The following DLGAP4 variants were observed in gnomAD, a reference collection of about 807,000 sequenced individuals.
DLGAP4 encodes the protein disks large-associated protein 4.
In DLGAP4, 18 loss-of-function variants were observed where a neutral mutation model predicts 86.9. The observed-to-expected ratio is 0.21, with a 90% CI of 0.14 to 0.31. The LOEUF (loss-of-function observed/expected upper bound fraction) is 0.31, where lower values mean the gene tolerates loss of function less well. DLGAP4 is among the 10% of genes least tolerant of loss of function. The probability of loss-of-function intolerance (pLI) is 1.00; values close to 1 mark genes in which losing one functional copy is unlikely to be tolerated. For synonymous variants in DLGAP4, 548 were observed against 574.3 expected (o/e 0.95, Z 0.65); for missense variants, 1,085 against 1,362.6 (o/e 0.80, Z 3.21).
At chr20:36,372,438 C>G (rs1187133114) in intron 2 of DLGAP4, among the ~76,000 whole-genome samples, 1 of 152,144 alleles carries the variant, frequency 6.6e-6, no homozygotes, top group Non-Finnish European at 1.5e-5. Context: ...CCCACCACCT[C>G]CCTCCCCATC....
intron 1 of DLGAP4, among the ~76,000 whole-genome samples, chr20:36,362,608 A>G (rs1393228300): frequency 1.3e-5 from 2 of 152,198 alleles, no homozygotes; most frequent in African/African-American, 4.8e-5. Flanking sequence ...TCCAGTATTG[A>G]AAATATTTGT....
Position 36,524,236 on chromosome 20 carries a change from C to T in DLGAP4, c.2513-14C>T. The T allele has an allele frequency of 6.2e-7, 1 of 1,610,492 alleles. No homozygotes were observed. ...CTGTGCTAAATCAGTCTTTTTCCAC[C>T]CTCTGTTTCTCAGTCTTAGGAAAAG... On this transcript the variant is annotated splice_polypyrimidine_tract_variant and intron_variant, in intron 10 of 12. Transcript: ENST00000339266.
intron 8 of DLGAP4, chr20:36,499,340 C>G (rs2036024895): frequency 1.2e-6 from 2 of 1,611,728 alleles, no homozygotes; most frequent in Admixed American, 1.7e-5. Context: ...AGCCAGTCAT[C>G]TCCACCCCAT....
chr20:36,380,994 C>G (rs1167396384), intron 2 of DLGAP4, among the ~76,000 whole-genome samples: 2 of 152,182 alleles, frequency 1.3e-5, no homozygotes, highest in African/African-American at 4.8e-5. Context: ...TAACTGAGCC[C>G]TTCTGTTAGG....
At chr20:36,461,703 C>A in intron 7 of DLGAP4, 3 of 603,372 alleles carry the variant, frequency 5.0e-6, no homozygotes, top group Non-Finnish European at 6.0e-6. Context: ...CGCCCTCGCC[C>A]TCCTCCTCCT....
intron 1 of DLGAP4, among the ~76,000 whole-genome samples, chr20:36,358,376 T>C (rs1404289480): frequency 6.6e-6 from 1 of 152,158 alleles, no homozygotes; most frequent in African/African-American, 2.4e-5. Context: ...GTATGGCACA[T>C]CTCTTCTCCT....
chr20:36,374,362 C>T (rs1046882867), intron 2 of DLGAP4, among the ~76,000 whole-genome samples: 3 of 152,288 alleles, frequency 2.0e-5, no homozygotes. Flanking sequence ...GAGGTGATGC[C>T]TAAACTGAGT....
intron 2 of DLGAP4, among the ~76,000 whole-genome samples, chr20:36,400,456 C>T (rs2032123552): frequency 6.6e-6 from 1 of 152,208 alleles, no homozygotes; most frequent in Non-Finnish European, 1.5e-5. Context: ...TTTCCTTTCA[C>T]TTCTCCTTTA....
At chr20:36,460,994 G>A (rs933440849) in intron 7 of DLGAP4, among the ~76,000 whole-genome samples, 1 of 152,220 alleles carries the variant, frequency 6.6e-6, no homozygotes, top group African/African-American at 2.4e-5. Flanking sequence ...AGGGCGCAGA[G>A]CAGCCAGGAC....
At chr20:36,341,823 G>A (rs534065744) in intron 1 of DLGAP4, among the ~76,000 whole-genome samples, 4 of 152,288 alleles carry the variant, frequency 2.6e-5, no homozygotes, top group African/African-American at 9.6e-5. Flanking sequence ...CCCAGCTTCC[G>A]CTCTCCAGCA....
intron 7 of DLGAP4, among the ~76,000 whole-genome samples, chr20:36,496,453 GA>G (rs1452523957): frequency 6.6e-6 from 1 of 152,232 alleles, no homozygotes; most frequent in East Asian, 1.9e-4. Flanking sequence ...TGATGTGGGG[GA>G]TATCTTTGGC....
intron 1 of DLGAP4, among the ~76,000 whole-genome samples, chr20:36,326,192 C>T (rs556506096): frequency 2.2e-4 from 34 of 152,206 alleles, no homozygotes; most frequent in South Asian, 1.7e-3. Context: ...GCTGTTAAAG[C>T]GGTACTCAGG....
chr20:36,488,241 A>G (rs1024663613), intron 7 of DLGAP4, among the ~76,000 whole-genome samples: 16 of 149,690 alleles, frequency 1.1e-4, no homozygotes, highest in Non-Finnish European at 3.0e-5. Context: ...CAGAGGGGCC[A>G]TCGAGTAGTG....
intron 7 of DLGAP4, among the ~76,000 whole-genome samples, chr20:36,456,311 C>CCCCTGTG (rs1351116645): frequency 9.2e-5 from 14 of 152,174 alleles, no homozygotes; most frequent in Admixed American, 9.2e-4. Context: ...TCTCCATTGC[C>CCCCTGTG]CCCTGTGCGT....
intron 2 of DLGAP4, among the ~76,000 whole-genome samples, chr20:36,390,396 C>A (rs187384012): frequency 1.0e-3 from 157 of 152,284 alleles, no homozygotes; most frequent in African/African-American, 3.7e-3. Flanking sequence ...CAAACCCAAG[C>A]CTTCTGCCTC....
intron 10 of DLGAP4, among the ~76,000 whole-genome samples, chr20:36,522,099 T>C (rs765722413): frequency 1.3e-5 from 2 of 152,136 alleles, no homozygotes; most frequent in Non-Finnish European, 2.9e-5. Context: ...CCCACCTCTG[T>C]CATTCTCCTT....
At chr20:36,396,457 GCACA>G (rs796651337) in intron 2 of DLGAP4, among the ~76,000 whole-genome samples, 8 of 18,936 alleles carry the variant, frequency 4.2e-4, no homozygotes, top group Non-Finnish European at 2.5e-3. Flanking sequence ...CACATCACAT[GCACA>G]CACACACATA....
At chr20:36,318,102 CCTCT>C (rs1555890204) in intron 1 of DLGAP4, among the ~76,000 whole-genome samples, 226 of 117,202 alleles carry the variant, frequency 1.9e-3, no homozygotes, top group Admixed American at 2.4e-3. Flanking sequence ...ATAAATGTGT[CCTCT>C]CACACACACA....
intron 10 of DLGAP4, among the ~76,000 whole-genome samples, chr20:36,513,881 G>A (rs1427648534): frequency 6.6e-6 from 1 of 152,142 alleles, no homozygotes; most frequent in Non-Finnish European, 1.5e-5. Context: ...AGTTTGGTTT[G>A]GAACATGTTA....
Sources: gnomAD v4.1 joint callset for allele counts (sites outside exome capture counted in the v4.1 genomes callset) on GRCh38, gnomAD v4.1.1 for gene constraint, MANE v1.5 for transcripts, NCBI Gene and HGNC (gene_info 2026-07-23, HGNC 2026-07-21) for gene names.